The following SPATA6 variants were observed in gnomAD, a reference collection of about 807,000 sequenced individuals.
SPATA6 encodes spermatogenesis-associated protein 6.
In SPATA6, 56 loss-of-function variants were observed where a neutral mutation model predicts 65.3. That is an observed-to-expected ratio of 0.86 (90% CI 0.69 to 1.07). The LOEUF (loss-of-function observed/expected upper bound fraction) is 1.07, where lower values mean the gene tolerates loss of function less well. Ranked by LOEUF, SPATA6 falls within the 50% of genes least tolerant of loss-of-function variation. The pLI, the probability that SPATA6 is intolerant of heterozygous loss-of-function variation, is 0.00. For synonymous variants in SPATA6, 199 were observed against 213.2 expected (o/e 0.93, Z 0.58); for missense variants, 590 against 594.8 (o/e 0.99, Z 0.08).
intron 10 of SPATA6, among the ~76,000 whole-genome samples, chr1:48,356,782 C>A (rs909525041): frequency 7.2e-5 from 11 of 151,950 alleles, no homozygotes; most frequent in Non-Finnish European, 1.5e-4. Context: ...GGATTACAGG[C>A]ATGAGCCCAG....
At chr1:48,375,722 C>T (rs183594993) in intron 9 of SPATA6, among the ~76,000 whole-genome samples, 86 of 152,256 alleles carry the variant, frequency 5.6e-4, no homozygotes, top group African/African-American at 1.9e-3. Flanking sequence ...TTATTTCAGT[C>T]TAGGTCCATG....
At chr1:48,461,260 T>C (rs1467132819) in intron 1 of SPATA6, among the ~76,000 whole-genome samples, 1 of 152,182 alleles carries the variant, frequency 6.6e-6, no homozygotes, top group African/African-American at 2.4e-5. Context: ...ATGAGTAGGT[T>C]GCGAAAATTT....
At chr1:48,316,874 G>A (rs1012443484) in intron 11 of SPATA6, among the ~76,000 whole-genome samples, 21 of 152,146 alleles carry the variant, frequency 1.4e-4, no homozygotes, top group Non-Finnish European at 4.4e-5. Flanking sequence ...CAAAGGATAT[G>A]AACAGACACT....
chr1:48,278,451 G>A, the SPATA6 span, among the ~76,000 whole-genome samples: 2 of 152,142 alleles, frequency 1.3e-5, no homozygotes, highest in Non-Finnish European at 2.9e-5. Context: ...TTAGACGAAT[G>A]TATAACTAGA....
chr1:48,432,000 T>C (rs1163849743), intron 3 of SPATA6, among the ~76,000 whole-genome samples: 2 of 151,998 alleles, frequency 1.3e-5, no homozygotes, highest in African/African-American at 4.8e-5. Context: ...GCCCCAGCTA[T>C]GTGGGAGCCT....
chr1:48,424,578 TG>T (rs1653662473), intron 3 of SPATA6, among the ~76,000 whole-genome samples: 1 of 152,190 alleles, frequency 6.6e-6, no homozygotes, highest in South Asian at 2.1e-4. Context: ...TTCTCCACAG[TG>T]GTTGTACTAA....
intron 11 of SPATA6, among the ~76,000 whole-genome samples, chr1:48,312,662 A>G (rs1645255598): frequency 6.6e-6 from 1 of 152,196 alleles, no homozygotes; most frequent in African/African-American, 2.4e-5. Context: ...AAAGGAATGC[A>G]GCTCCTCACC....
intron 1 of SPATA6, among the ~76,000 whole-genome samples, chr1:48,464,407 T>C (rs1006980463): frequency 1.3e-5 from 2 of 152,196 alleles, no homozygotes; most frequent in Admixed American, 6.5e-5. Context: ...AATACAACTA[T>C]TGAAATAATG....
At chr1:48,344,566 A>G (rs1249734822) in intron 11 of SPATA6, among the ~76,000 whole-genome samples, 1 of 152,156 alleles carries the variant, frequency 6.6e-6, no homozygotes, top group African/African-American at 2.4e-5. Flanking sequence ...AAGTGCCCCG[A>G]TTAAAAGACA....
rs1158996083 is a variant in SPATA6, at chr1:48,403,793, A to G, written c.486+9T>C. On this transcript the variant is annotated intron_variant, in intron 6 of 12. Transcript: ENST00000371847. ...AAACCATTAAATACTTTATACAAAT[A>G]ATTTTAACCTGAGTGTGGCATTTCC... 4 of 1,590,626 alleles carry G rather than the reference A, an allele frequency of 2.5e-6. No homozygotes were observed. Among genetic ancestry groups the G allele is most frequent in the Non-Finnish European group, 3.4e-6 (4 of 1,167,946 alleles).
At chr1:48,373,331 T>C (rs965300969) in intron 9 of SPATA6, among the ~76,000 whole-genome samples, 6 of 152,170 alleles carry the variant, frequency 3.9e-5, no homozygotes, top group Non-Finnish European at 8.8e-5. Flanking sequence ...CGCCACTCTC[T>C]TTACAAGAGT....
At chr1:48,443,397 T>C (rs767672226) in intron 3 of SPATA6, among the ~76,000 whole-genome samples, 4 of 152,152 alleles carry the variant, frequency 2.6e-5, no homozygotes, top group African/African-American at 4.8e-5. Context: ...TCCCTACTTA[T>C]AGGGTTAGAA....
chr1:48,316,569 C>T (rs974024480), intron 11 of SPATA6, among the ~76,000 whole-genome samples: 1 of 152,042 alleles, frequency 6.6e-6, no homozygotes, highest in African/African-American at 2.4e-5. Context: ...GACCTAAAAC[C>T]ATAAAAACCC....
intron 1 of SPATA6, among the ~76,000 whole-genome samples, chr1:48,454,362 CGTAAGGAGCA>C (rs1656843749): frequency 2.0e-5 from 3 of 152,052 alleles, no homozygotes; most frequent in Non-Finnish European, 2.9e-5. Context: ...TATAATACAA[CGTAAGGAGCA>C]GTAACTCCTT....
chr1:48,369,407 C>T lies in SPATA6; in HGVS notation c.910-9637G>A, dbSNP rs553112764. On this transcript the variant is annotated intron_variant, in intron 9 of 12. Transcript: ENST00000371847. ...GAGCCTACAGAGGCAGGCAGGCCTCCTTGAGCTGTGGTGGGCTCCACCCAG... is the reference window on the plus strand; with the variant it reads ...GAGCCTACAGAGGCAGGCAGGCCTCTTTGAGCTGTGGTGGGCTCCACCCAG... 5.9e-3 allele frequency among the ~76,000 whole-genome samples: 893 copies of T among 152,302 alleles called. 8 individuals are homozygous for T. The highest frequency in any genetic ancestry group is 7.0e-3 in the Non-Finnish European group (474 of 68,014).
the SPATA6 span, among the ~76,000 whole-genome samples, chr1:48,268,458 G>A: frequency 1.3e-5 from 2 of 151,644 alleles, no homozygotes; most frequent in Non-Finnish European, 2.9e-5. Context: ...GCTCCTGTAG[G>A]GTCACTTCTG....
chr1:48,304,381 C>G (rs1050160636), intron 12 of SPATA6, among the ~76,000 whole-genome samples: 19 of 152,192 alleles, frequency 1.2e-4, no homozygotes, highest in African/African-American at 4.6e-4. Flanking sequence ...ATCAATAACA[C>G]TGCTTGGTAG....
At chr1:48,386,927 A>G (rs139904436) in intron 8 of SPATA6, among the ~76,000 whole-genome samples, 8 of 152,342 alleles carry the variant, frequency 5.3e-5, no homozygotes, top group Middle Eastern at 3.4e-3. Context: ...ACAAGCTGTC[A>G]CAAGCTACTG....
At chr1:48,338,752 C>T (rs190564991) in intron 11 of SPATA6, among the ~76,000 whole-genome samples, 2 of 152,118 alleles carry the variant, frequency 1.3e-5, no homozygotes, top group East Asian at 3.9e-4. Context: ...CAAGCTGTGC[C>T]AGGTTGGGGG....
Sources: allele counts gnomAD v4.1 joint callset (sites outside exome capture counted in the v4.1 genomes callset), GRCh38; gene constraint gnomAD v4.1.1; transcripts MANE v1.5; gene names NCBI Gene and HGNC (gene_info 2026-07-23, HGNC 2026-07-21).